The following SMAD3 variants were observed in gnomAD, a reference collection of about 807,000 sequenced individuals.
SMAD3 encodes the protein SMAD family member 3.
A neutral mutation model predicts 51.8 loss-of-function variants in SMAD3; 12 were observed. The observed-to-expected ratio is 0.23, with a 90% CI of 0.15 to 0.38. The LOEUF (loss-of-function observed/expected upper bound fraction) is 0.38, where lower values mean the gene tolerates loss of function less well. Among genes scored for constraint, SMAD3 ranks in the 10% least tolerant of loss-of-function variants. The probability of loss-of-function intolerance (pLI) is 1.00; values close to 1 mark genes in which losing one functional copy is unlikely to be tolerated. For missense variants in SMAD3, 294 were observed against 565.6 expected (o/e 0.52, Z 4.87); for synonymous variants, 238 against 227.7 (o/e 1.05, Z -0.41).
intron 1 of SMAD3, among the ~76,000 whole-genome samples, chr15:67,140,521 A>G (rs928089429): frequency 6.6e-5 from 10 of 152,268 alleles, no homozygotes; most frequent in Admixed American, 1.3e-4. Context: ...TGCAGAGAGC[A>G]AATGACCTTC....
At chr15:67,077,019 G>C in intron 1 of SMAD3, among the ~76,000 whole-genome samples, 1 of 152,194 alleles carries the variant, frequency 6.6e-6, no homozygotes, top group Non-Finnish European at 1.5e-5. Context: ...CTTGGGCTGG[G>C]TCTCTCTGAG....
rs1173367012 is a variant in SMAD3 at position 67,195,028 on chromosome 15, AGT to A, written c.*4495_*4496del. 1.3e-5 allele frequency: 3 copies of A among 233,524 alleles called. No individual in the cohort carries two copies. The highest frequency in any genetic ancestry group is 1.7e-5 in the Non-Finnish European group (2 of 117,916). 14.5% of individuals were successfully genotyped at this position (233,524 alleles called of 1,614,324 possible). On this transcript the variant is annotated 3_prime_UTR_variant, in exon 9 of 9. Transcript: ENST00000327367. ...TTGTAAAAAGCATGTATGTATTTAT[AGT>A]GTTTTAGATTTTTCTAACTTTTATA...
intron 1 of SMAD3, among the ~76,000 whole-genome samples, chr15:67,096,914 A>G (rs1240091273): frequency 6.6e-6 from 1 of 152,184 alleles, no homozygotes; most frequent in Admixed American, 6.5e-5. Context: ...AAAGTTGAGG[A>G]ATTTCAGAGG....
At chr15:67,134,353 G>A (rs1197886374) in intron 1 of SMAD3, among the ~76,000 whole-genome samples, 2 of 152,172 alleles carry the variant, frequency 1.3e-5, no homozygotes, top group Non-Finnish European at 1.5e-5. Flanking sequence ...GATGAACGGG[G>A]CCTTTAAGAT....
intron 1 of SMAD3, among the ~76,000 whole-genome samples, chr15:67,105,234 C>T (rs958950204): frequency 1.3e-5 from 2 of 152,208 alleles, no homozygotes; most frequent in Non-Finnish European, 2.9e-5. Context: ...ATGAGGCGCT[C>T]TCCAAAGTTC....
chr15:67,164,050 G>A (rs185929342), intron 1 of SMAD3, among the ~76,000 whole-genome samples: 193 of 151,236 alleles, frequency 1.3e-3, no homozygotes, highest in African/African-American at 4.4e-3. Context: ...GGTGGTTCAC[G>A]CCTGAAATCC....
intron 6 of SMAD3, among the ~76,000 whole-genome samples, chr15:67,182,365 G>A (rs554633882): frequency 4.7e-4 from 71 of 152,194 alleles, no homozygotes; most frequent in Non-Finnish European, 7.6e-4. Flanking sequence ...AAGCTTAGAG[G>A]ATTTTACGAT....
intron 1 of SMAD3, among the ~76,000 whole-genome samples, chr15:67,118,970 T>C (rs1220478050): frequency 6.6e-6 from 1 of 152,228 alleles, no homozygotes; most frequent in Non-Finnish European, 1.5e-5. Context: ...GAGCACCTAT[T>C]AGCAGGAGCA....
chr15:67,079,225 G>A (rs546305439), intron 1 of SMAD3, among the ~76,000 whole-genome samples: 12 of 152,004 alleles, frequency 7.9e-5, no homozygotes, highest in African/African-American at 2.9e-4. Context: ...TGATCTGCCC[G>A]CGTCAGCCTC....
chr15:67,172,048 C>T (rs1350517555), intron 5 of SMAD3, among the ~76,000 whole-genome samples: 1 of 152,184 alleles, frequency 6.6e-6, no homozygotes, highest in Admixed American at 6.5e-5. Context: ...AGTCCCAGGG[C>T]AGGTTGGAGG....
At chr15:67,158,058 C>T (rs1031862657) in intron 1 of SMAD3, among the ~76,000 whole-genome samples, 1 of 152,130 alleles carries the variant, frequency 6.6e-6, no homozygotes, top group Non-Finnish European at 1.5e-5. Flanking sequence ...CTAATGCTAG[C>T]AGCTGGTCTT....
intron 1 of SMAD3, among the ~76,000 whole-genome samples, chr15:67,100,809 C>T (rs1191394864): frequency 6.6e-6 from 1 of 152,160 alleles, no homozygotes; most frequent in Non-Finnish European, 1.5e-5. Context: ...TTATGAGGAA[C>T]CAGAGACCCA....
chr15:67,180,188 G>A (rs1963014234), intron 5 of SMAD3, among the ~76,000 whole-genome samples: 1 of 152,140 alleles, frequency 6.6e-6, no homozygotes, highest in African/African-American at 2.4e-5. Flanking sequence ...CCAGGGCGCA[G>A]GGCAGTCCTG....
In SMAD3 at chr15:67,170,027, T is replaced by C. The variant is rs765817910; in HGVS notation, c.608-527T>C. Among the ~76,000 whole-genome samples, 9 of 152,274 alleles carry C rather than the reference T, an allele frequency of 5.9e-5. No homozygotes were observed. The Middle Eastern group carries it at 0.014, about 230-fold the overall frequency. ...AGGTTTGTGAGTTTCCTGAAATTGA[T>C]CTTTCCAGCACCTGAGCTGCTGCAG... On this transcript the variant is annotated intron_variant, in intron 4 of 8. Transcript: ENST00000327367.
chr15:67,117,460 G>T (rs909074852), intron 1 of SMAD3, among the ~76,000 whole-genome samples: 1 of 152,076 alleles, frequency 6.6e-6, no homozygotes, highest in African/African-American at 2.4e-5. Flanking sequence ...CCCAAAGCAG[G>T]TCCCCCCAAG....
At chr15:67,101,577 G>C (rs1960758974) in intron 1 of SMAD3, among the ~76,000 whole-genome samples, 1 of 152,192 alleles carries the variant, frequency 6.6e-6, no homozygotes, top group Non-Finnish European at 1.5e-5. Flanking sequence ...GGAACAGGCT[G>C]AGCTGTAATT....
Position 67,066,242 on chromosome 15 carries a change from T to C in SMAD3, c.88T>C (p.Trp30Arg). The change falls in exon 1 of 9, where the codon TGG (tryptophan) becomes CGG (arginine). Residue 30 changes from tryptophan to arginine, a missense_variant. Physicochemically the swap from Trp to Arg is moderately radical, Grantham distance 101. Transcript: ENST00000327367. Reference protein sequence around the residue: ...KGEQNGQEEKWCEKAVKSLVK... With the variant: ...KGEQNGQEEKRCEKAVKSLVK... ...CGAGCAGAACGGGCAGGAGGAGAAA[T>C]GGTGCGAGAAGGCGGTCAAGAGCCT... The C allele has an allele frequency of 6.2e-7, 1 of 1,612,974 alleles. No individual in the cohort carries two copies.
At chr15:67,180,742 C>G (rs1218644238) in intron 5 of SMAD3, among the ~76,000 whole-genome samples, 2 of 151,820 alleles carry the variant, frequency 1.3e-5, no homozygotes, top group Non-Finnish European at 2.9e-5. Context: ...ATCTGAAAGC[C>G]CTTTTAGGGG....
intron 1 of SMAD3, among the ~76,000 whole-genome samples, chr15:67,072,905 A>C (rs1435242845): frequency 6.6e-6 from 1 of 152,224 alleles, no homozygotes; most frequent in Non-Finnish European, 1.5e-5. Flanking sequence ...AGACAATTCC[A>C]AGAGAACTTG....
Sources: allele counts gnomAD v4.1 joint callset (sites outside exome capture counted in the v4.1 genomes callset), GRCh38; gene constraint gnomAD v4.1.1; transcripts MANE v1.5; gene names NCBI Gene and HGNC (gene_info 2026-07-23, HGNC 2026-07-21).